TAFA2: variants seen among roughly 807,000 people sequenced by gnomAD.
The protein encoded by TAFA2 is chemokine-like protein TAFA-2.
In TAFA2, 7 loss-of-function variants were observed where a neutral mutation model predicts 18.8. The observed-to-expected ratio is 0.37, with a 90% CI of 0.21 to 0.70. The LOEUF (loss-of-function observed/expected upper bound fraction) is 0.70, where lower values mean the gene tolerates loss of function less well. TAFA2 is among the 30% of genes least tolerant of loss of function. The pLI, the probability that TAFA2 is intolerant of heterozygous loss-of-function variation, is 0.53. For missense variants in TAFA2, 122 were observed against 158.1 expected, an observed-to-expected ratio of 0.77 and a Z score of 1.23; for synonymous variants, 60 against 54.2, an observed-to-expected ratio of 1.11 and a Z score of -0.47.
chr12:62,195,422 T>C (rs572618456), upstream of TAFA2, among the ~76,000 whole-genome samples: 28 of 152,328 alleles, frequency 1.8e-4, no homozygotes, highest in African/African-American at 6.7e-4. Context: ...CAATTTACTT[T>C]GCCCAGATCC....
At position 62,189,763 on chromosome 12, in the gene TAFA2, GTTAA is replaced by G. The variant is rs935703058; in HGVS notation, c.-2+1492_-2+1495del. On this transcript the variant is annotated intron_variant, in intron 1 of 4. Coordinates refer to ENST00000416284, the MANE Select transcript of TAFA2 (RefSeq NM_178539.5). ...ATGCCTAATAAAGCAGTTTAGGAGT[GTTAA>G]TTGACAACTCTGAATGTTGATGTTT... Among the ~76,000 whole-genome samples the G allele has an allele frequency of 7.2e-4, 109 of 152,292 alleles. 1 individual carries two copies. The highest frequency in any genetic ancestry group is 2.6e-3 in the African/African-American group (106 of 41,550).
rs908165123 is a variant in TAFA2, at chr12:61,883,625, G to A, written c.-1-16199C>T. Reference sequence around the variant, plus strand: ...GAATGATGTATGAATATTGAAGAAGGGATTATAGTGGCTTAGAAAGAGATA... The same window carrying A: ...GAATGATGTATGAATATTGAAGAAGAGATTATAGTGGCTTAGAAAGAGATA... On this transcript the variant is annotated intron_variant, in intron 1 of 4. Coordinates refer to ENST00000416284, the MANE Select transcript of TAFA2 (RefSeq NM_178539.5). 4.6e-5 allele frequency among the ~76,000 whole-genome samples: 7 copies of A among 152,162 alleles called. No homozygotes were observed. In the South Asian group the frequency reaches 8.3e-4, roughly 18 times the overall value.
intron 1 of TAFA2, among the ~76,000 whole-genome samples, chr12:62,200,025 C>T (rs915394649): frequency 2.0e-5 from 3 of 152,050 alleles, no homozygotes; most frequent in Admixed American, 2.0e-4. Context: ...GTTTTTTTCA[C>T]ATGCTTGTTA....
intron 1 of TAFA2, among the ~76,000 whole-genome samples, chr12:61,872,673 G>T (rs1184162917): frequency 6.6e-6 from 1 of 151,928 alleles, no homozygotes; most frequent in Admixed American, 6.6e-5. Context: ...GGTTCCCTAC[G>T]CTTCAAGCAC....
chr12:61,786,782 A>T (rs192657584), intron 2 of TAFA2, among the ~76,000 whole-genome samples: 1 of 151,594 alleles, frequency 6.6e-6, no homozygotes, highest in African/African-American at 2.4e-5. Context: ...TACGTGAAAG[A>T]GTATAATATT....
Position 62,051,521 on chromosome 12 carries a change from T to C in TAFA2, c.-2+139738A>G, listed in dbSNP as rs573814322. Among the ~76,000 whole-genome samples the C allele has an allele frequency of 2.6e-5, 4 of 152,076 alleles. No individual in the cohort carries two copies. The South Asian group carries it at 6.2e-4, about 24-fold the overall frequency. ...ATTTTAAGTAAGCTTCCAGTAAGAA[T>C]AGGAGCAGCAAGAATTGAGATTCCA... On this transcript the variant is annotated intron_variant, in intron 1 of 4. Transcript: ENST00000416284.
intron 2 of TAFA2, among the ~76,000 whole-genome samples, chr12:61,807,615 G>A (rs1217539486): frequency 2.0e-5 from 3 of 151,374 alleles, no homozygotes; most frequent in Admixed American, 6.6e-5. Context: ...AAAAGTCACA[G>A]ACACTCAACA....
At chr12:61,784,659 G>A (rs1026966179) in intron 2 of TAFA2, among the ~76,000 whole-genome samples, 2 of 150,794 alleles carry the variant, frequency 1.3e-5, no homozygotes, top group Non-Finnish European at 3.0e-5. Context: ...ATTAAACTAA[G>A]TAGGAGTTTT....
In TAFA2 at chr12:61,812,524, C is replaced by T. The variant is rs193098796; in HGVS notation, c.106+54796G>A. On this transcript the variant is annotated intron_variant, in intron 2 of 4. Transcript: ENST00000416284. The stretch of plus-strand genomic sequence containing the variant: ...CCTAGGACAACCTAAGACCCCCAAA[C>T]ATGACATCCCCCGAACATGAACAAT... Among the ~76,000 whole-genome samples, 94 of 151,242 alleles carry T rather than the reference C, an allele frequency of 6.2e-4. 1 individual carries two copies. Among genetic ancestry groups the T allele is most frequent in the Non-Finnish European group, 1.1e-3 (73 of 68,000 alleles).
chr12:62,005,546 C>T (rs1226466101), intron 1 of TAFA2, among the ~76,000 whole-genome samples: 2 of 152,036 alleles, frequency 1.3e-5, no homozygotes, highest in African/African-American at 4.8e-5. Flanking sequence ...TTACTAGAAA[C>T]TTTAATATGA....
intron 4 of TAFA2, among the ~76,000 whole-genome samples, chr12:61,741,008 T>C (rs1868419341): frequency 6.6e-6 from 1 of 152,072 alleles, no homozygotes; most frequent in Admixed American, 6.6e-5. Flanking sequence ...TTGTTTTAAT[T>C]TGGCAATTTG....
intron 1 of TAFA2, among the ~76,000 whole-genome samples, chr12:62,063,964 T>C (rs1465958116): frequency 6.6e-6 from 1 of 151,554 alleles, no homozygotes; most frequent in Non-Finnish European, 1.5e-5. Flanking sequence ...AGAAAAACAA[T>C]GAGAGCTATT....
chr12:61,869,110 G>A (rs1180609779), intron 1 of TAFA2, among the ~76,000 whole-genome samples: 1 of 152,088 alleles, frequency 6.6e-6, no homozygotes, highest in Non-Finnish European at 1.5e-5. Flanking sequence ...TGATTGAAGG[G>A]AGTTTCAGTA....
At chr12:62,186,656 G>A (rs2062587850) in intron 1 of TAFA2, among the ~76,000 whole-genome samples, 1 of 152,104 alleles carries the variant, frequency 6.6e-6, no homozygotes, top group Non-Finnish European at 1.5e-5. Context: ...CCATTCAGGG[G>A]AAATCATAAA....
chr12:62,142,735 C>T (rs1355816726), intron 1 of TAFA2, among the ~76,000 whole-genome samples: 2 of 152,136 alleles, frequency 1.3e-5, no homozygotes, highest in East Asian at 1.9e-4. Context: ...TGAGAATCCT[C>T]TTTAAATCTT....
At chr12:62,212,514 C>T (rs1353193954) in intron 1 of TAFA2, among the ~76,000 whole-genome samples, 1 of 152,200 alleles carries the variant, frequency 6.6e-6, no homozygotes, top group Non-Finnish European at 1.5e-5. Flanking sequence ...AGCTTGCAAA[C>T]TATTATAGCT....
At chr12:62,165,118 C>A (rs1395933785) in intron 1 of TAFA2, among the ~76,000 whole-genome samples, 2 of 152,088 alleles carry the variant, frequency 1.3e-5, no homozygotes, top group Non-Finnish European at 2.9e-5. Context: ...GGCGAGACTT[C>A]ACATATCTTC....
intron 2 of TAFA2, among the ~76,000 whole-genome samples, chr12:61,851,643 CG>C (rs915555138): frequency 6.6e-6 from 1 of 151,012 alleles, no homozygotes; most frequent in African/African-American, 2.4e-5. Flanking sequence ...GGCGTGGCGG[CG>C]GGGGCCTATA....
chr12:61,887,183 T>C (rs1428530499), intron 1 of TAFA2, among the ~76,000 whole-genome samples: 1 of 152,130 alleles, frequency 6.6e-6, no homozygotes, highest in Non-Finnish European at 1.5e-5. Context: ...TGTTAATTCT[T>C]TCAAGAAGAC....
Sources: gnomAD v4.1 joint callset for allele counts (sites outside exome capture counted in the v4.1 genomes callset) on GRCh38, gnomAD v4.1.1 for gene constraint, MANE v1.5 for transcripts, NCBI Gene and HGNC (gene_info 2026-07-23, HGNC 2026-07-21) for gene names.